The following ZBTB10 variants were observed in gnomAD, a reference collection of about 807,000 sequenced individuals.
ZBTB10 encodes zinc finger and BTB domain containing 10, also known as zinc finger and BTB domain-containing protein 10.
ZBTB10 carries 32 observed loss-of-function variants against 76.4 expected under a neutral mutation model. The observed-to-expected ratio is 0.42, with a 90% CI of 0.32 to 0.56. The LOEUF (loss-of-function observed/expected upper bound fraction) is 0.56. Among genes scored for constraint, ZBTB10 ranks in the 20% least tolerant of loss-of-function variants. The pLI, the probability that ZBTB10 is intolerant of heterozygous loss-of-function variation, is 0.14. For missense variants in ZBTB10, 1,057 were observed against 1,098.5 expected (o/e 0.96, Z 0.53); for synonymous variants, 523 against 432.9 (o/e 1.21, Z -2.58).
At chr8:80,518,614 A>C in intron 4 of ZBTB10, 35 bp downstream of exon 4, 1 of 1,522,446 alleles carries the variant, frequency 6.6e-7, no homozygotes, top group Non-Finnish European at 8.8e-7. Context: ...TACAGAATTA[A>C]TTAAATAATT....
At chr8:80,500,668 C>G (rs991670584) in intron 2 of ZBTB10, among the ~76,000 whole-genome samples, 1 of 152,116 alleles carries the variant, frequency 6.6e-6, no homozygotes, top group Admixed American at 6.5e-5. Flanking sequence ...TTTGACTTTC[C>G]TCATTTTTAG....
chr8:80,508,771 A>G (rs1029882131), intron 2 of ZBTB10, among the ~76,000 whole-genome samples: 2 of 152,224 alleles, frequency 1.3e-5, no homozygotes, highest in African/African-American at 2.4e-5. Context: ...TTGTGGGGAC[A>G]TCTCCAATTT....
chr8:80,516,082 A>G (rs1816318723), intron 3 of ZBTB10, among the ~76,000 whole-genome samples: 1 of 152,026 alleles, frequency 6.6e-6, no homozygotes, highest in South Asian at 2.1e-4. Flanking sequence ...GGTTTTAGGG[A>G]TATTCTTCTG....
At chr8:80,503,934 A>G (rs1279382018) in intron 2 of ZBTB10, among the ~76,000 whole-genome samples, 8 of 152,224 alleles carry the variant, frequency 5.3e-5, no homozygotes, top group Non-Finnish European at 7.3e-5. Context: ...TCTTCTGCCC[A>G]TCTTGTGATG....
At chr8:80,502,462 C>T (rs765263818) in intron 2 of ZBTB10, among the ~76,000 whole-genome samples, 18 of 152,270 alleles carry the variant, frequency 1.2e-4, no homozygotes, top group African/African-American at 3.9e-4. Flanking sequence ...GTCTCGAACT[C>T]GTGACCTCAA....
In ZBTB10 at chr8:80,508,966, G is replaced by A. The variant is rs139801726; in HGVS notation, c.1862-4944G>A. 5.9e-5 allele frequency among the ~76,000 whole-genome samples: 9 copies of A among 152,174 alleles called. No individual in the cohort carries two copies. In the East Asian group the frequency reaches 7.7e-4, roughly 13 times the overall value. On this transcript the variant is annotated intron_variant, in intron 2 of 5. Coordinates refer to ENST00000455036, the MANE Select transcript of ZBTB10 (RefSeq NM_001105539.3). ...TTGGAGGTGGGGCATGTACTGGGGG[G>A]ACCTGTTAGGGAGAAATAACAGCAC...
At chr8:80,506,842 T>C (rs760135240) in intron 2 of ZBTB10, among the ~76,000 whole-genome samples, 10 of 151,782 alleles carry the variant, frequency 6.6e-5, no homozygotes, top group Non-Finnish European at 1.5e-4. Context: ...TTCCGAGTGT[T>C]TTGCTAAACC....
chr8:80,514,558 A>G (rs62515076), intron 3 of ZBTB10, among the ~76,000 whole-genome samples: 3,086 of 152,344 alleles, frequency 0.02, 41 homozygotes, highest in Non-Finnish European at 0.031. Flanking sequence ...TGCAATCCCC[A>G]CAGGAAATAA....
At chr8:80,504,639 G>A (rs533152775) in intron 2 of ZBTB10, among the ~76,000 whole-genome samples, 1 of 152,122 alleles carries the variant, frequency 6.6e-6, no homozygotes, top group Non-Finnish European at 1.5e-5. Flanking sequence ...AGAAATTTCT[G>A]TCCTAAGAGA....
chr8:80,493,203 GCGCGCACACACACACACACACACACACA>G (rs1320739296), intron 1 of ZBTB10, among the ~76,000 whole-genome samples: 1 of 107,772 alleles, frequency 9.3e-6, no homozygotes, highest in Non-Finnish European at 2.0e-5. Flanking sequence ...ACGCGCGCGC[GCGCGCACACACACACACACACACACACA>G]CACACACACA....
At chr8:80,494,105 A>G (rs1284381554) in intron 1 of ZBTB10, among the ~76,000 whole-genome samples, 3 of 152,226 alleles carry the variant, frequency 2.0e-5, no homozygotes, top group Non-Finnish European at 4.4e-5. Context: ...TGGAAATAGA[A>G]ATTACTGTTT....
chr8:80,506,082 TGGCTTTGGTGAAGGAGACTTG>T (rs1025026228), intron 2 of ZBTB10, among the ~76,000 whole-genome samples: 5 of 152,016 alleles, frequency 3.3e-5, no homozygotes, highest in African/African-American at 1.2e-4. Context: ...CCATGGGACA[TGGCTTTGGTGAAGGAGACTTG>T]GGCTTTAGAT....
rs1389759270 is a variant in ZBTB10, at chr8:80,523,292, C to G, written c.*3764C>G. On this transcript the variant is annotated 3_prime_UTR_variant, in exon 6 of 6. Coordinates refer to ENST00000455036, the MANE Select transcript of ZBTB10 (RefSeq NM_001105539.3). ...GTAGAATTTCAGCTCTTAATGGAGT[C>G]TATGGATTATATTTTTCCTATAAGA... The G allele has an allele frequency of 8.2e-6, 1 of 121,814 alleles. No individual in the cohort carries two copies. The highest frequency in any genetic ancestry group is 2.1e-4 in the East Asian group (1 of 4,758). The allele number at this position is 121,814 out of a possible 1,614,324, so 7.5% of individuals were successfully genotyped here.
intron 1 of ZBTB10, among the ~76,000 whole-genome samples, chr8:80,493,017 C>A (rs1815670809): frequency 6.6e-6 from 1 of 151,402 alleles, no homozygotes; most frequent in African/African-American, 2.4e-5. Context: ...ACTTCGAGAC[C>A]AGCCTGGCCA....
Position 80,487,622 on chromosome 8 carries a change from C to T in ZBTB10, c.812C>T (p.Ser271Phe). The change falls in exon 1 of 6, where the codon TCT (serine) becomes TTT (phenylalanine). Residue 271 changes from serine to phenylalanine, a missense_variant. Physicochemically the swap from Ser to Phe is radical, Grantham distance 155. Transcript: ENST00000455036. ...LRYSKDTGLM[S>F]CGWCQKTPAD... Reference sequence around the variant, plus strand: ...TATTCCAAGGATACTGGTCTTATGTCTTGCGGCTGGTGCCAAAAGACCCCT... The same window carrying T: ...TATTCCAAGGATACTGGTCTTATGTTTTGCGGCTGGTGCCAAAAGACCCCT... The T allele has an allele frequency of 6.2e-7, 1 of 1,613,934 alleles. No homozygotes were observed. The highest frequency in any genetic ancestry group is 8.5e-7 in the Non-Finnish European group (1 of 1,179,858).
intron 1 of ZBTB10, among the ~76,000 whole-genome samples, chr8:80,488,314 T>C (rs868234182): frequency 6.6e-6 from 1 of 152,212 alleles, no homozygotes; most frequent in African/African-American, 2.4e-5. Context: ...ATGAGAGCAG[T>C]ATGTAAATGT....
upstream of ZBTB10, chr8:80,485,710 C>A (rs1043053241): frequency 7.2e-7 from 1 of 1,392,816 alleles, no homozygotes; most frequent in Non-Finnish European, 9.7e-7. Context: ...GCGTGAAAGG[C>A]ACCGCCTGGT....
At chr8:80,504,248 T>C (rs1168179946) in intron 2 of ZBTB10, among the ~76,000 whole-genome samples, 2 of 152,218 alleles carry the variant, frequency 1.3e-5, no homozygotes, top group Non-Finnish European at 2.9e-5. Flanking sequence ...TGCTTTTAAA[T>C]AAATTTGAAG....
chr8:80,509,978 T>C (rs561140894), intron 2 of ZBTB10, among the ~76,000 whole-genome samples: 1 of 152,276 alleles, frequency 6.6e-6, no homozygotes, highest in Admixed American at 6.5e-5. Context: ...CTCATGAAGA[T>C]ATTATTTAAA....
Sources: allele counts gnomAD v4.1 joint callset (sites outside exome capture counted in the v4.1 genomes callset), GRCh38; gene constraint gnomAD v4.1.1; transcripts MANE v1.5; gene names NCBI Gene and HGNC (gene_info 2026-07-23, HGNC 2026-07-21).